The following CREB5 variants were observed in gnomAD, a reference collection of about 807,000 sequenced individuals.
CREB5 encodes the protein cyclic AMP-responsive element-binding protein 5.
Under a neutral mutation model 57.1 loss-of-function variants are expected in CREB5, and 19 were observed. That is an observed-to-expected ratio of 0.33 (90% CI 0.23 to 0.49). The LOEUF (loss-of-function observed/expected upper bound fraction) is 0.49, where lower values mean the gene tolerates loss of function less well. CREB5 is among the 20% of genes least tolerant of loss of function. The pLI is 0.99. For missense variants in CREB5, 579 were observed against 671.6 expected (o/e 0.86, Z 1.52); for synonymous variants, 238 against 238.3 (o/e 1.00, Z 0.01).
chr7:28,679,192 A>G (rs888320376), intron 5 of CREB5, among the ~76,000 whole-genome samples: 2 of 151,888 alleles, frequency 1.3e-5, no homozygotes, highest in Admixed American at 6.6e-5. Context: ...CTGAGGGGAG[A>G]CAGAGGGAGA....
At chr7:28,500,798 G>A (rs1792243146) in intron 3 of CREB5, among the ~76,000 whole-genome samples, 1 of 152,046 alleles carries the variant, frequency 6.6e-6, no homozygotes, top group African/African-American at 2.4e-5. Flanking sequence ...AACGAGTTAG[G>A]GTATTGTAAA....
At chr7:28,796,419 G>C (rs1808044096) in intron 7 of CREB5, among the ~76,000 whole-genome samples, 1 of 152,110 alleles carries the variant, frequency 6.6e-6, no homozygotes, top group Admixed American at 6.6e-5. Flanking sequence ...TTCATCAAAA[G>C]CTGATATTAA....
At chr7:28,574,469 T>C (rs1795828707) in intron 5 of CREB5, among the ~76,000 whole-genome samples, 1 of 152,196 alleles carries the variant, frequency 6.6e-6, no homozygotes, top group Non-Finnish European at 1.5e-5. Flanking sequence ...ATCCGTTGAG[T>C]AGATGGCTAT....
intron 4 of CREB5, among the ~76,000 whole-genome samples, chr7:28,510,777 G>T (rs10215668): frequency 2.6e-5 from 4 of 152,124 alleles, no homozygotes; most frequent in African/African-American, 4.8e-5. Flanking sequence ...CAGACAACAC[G>T]TTCCATAATA....
intron 5 of CREB5, among the ~76,000 whole-genome samples, chr7:28,662,676 T>C (rs1422746150): frequency 6.6e-6 from 1 of 152,184 alleles, no homozygotes; most frequent in Non-Finnish European, 1.5e-5. Flanking sequence ...GTGAATATGC[T>C]GGGAGGCGCT....
chr7:28,587,387 C>T (rs1796341649), intron 5 of CREB5, among the ~76,000 whole-genome samples: 1 of 152,162 alleles, frequency 6.6e-6, no homozygotes, highest in Admixed American at 6.5e-5. Context: ...TTTCTGGGTA[C>T]ATGCTCAGCC....
intron 1 of CREB5, among the ~76,000 whole-genome samples, chr7:28,448,209 A>G (rs139659104): frequency 0.066 from 10,071 of 152,250 alleles, 542 homozygotes; most frequent in East Asian, 0.28. Flanking sequence ...TCAGACTCCA[A>G]GTTCTTCACT....
At chr7:28,716,478 G>A (rs532833152) in intron 5 of CREB5, among the ~76,000 whole-genome samples, 2 of 152,184 alleles carry the variant, frequency 1.3e-5, no homozygotes, top group Non-Finnish European at 2.9e-5. Context: ...TAGCTGTATT[G>A]TGTACATCTA....
At chr7:28,628,347 C>T (rs1037761028) in intron 5 of CREB5, among the ~76,000 whole-genome samples, 2 of 152,128 alleles carry the variant, frequency 1.3e-5, no homozygotes, top group African/African-American at 4.8e-5. Context: ...CAGCAACTGA[C>T]CACGCCTGCT....
intron 5 of CREB5, among the ~76,000 whole-genome samples, chr7:28,648,389 A>C (rs1042542194): frequency 1.3e-5 from 2 of 152,188 alleles, no homozygotes; most frequent in African/African-American, 4.8e-5. Flanking sequence ...GACAATGAAC[A>C]GGCTGTATTG....
At chr7:28,574,622 A>G (rs1795834584) in intron 5 of CREB5, among the ~76,000 whole-genome samples, 1 of 152,216 alleles carries the variant, frequency 6.6e-6, no homozygotes, top group Admixed American at 6.5e-5. Flanking sequence ...GGATATCAGT[A>G]CAGAGCTCTG....
At chr7:28,755,487 T>C (rs949520479) in intron 7 of CREB5, among the ~76,000 whole-genome samples, 19 of 152,244 alleles carry the variant, frequency 1.2e-4, no homozygotes, top group African/African-American at 3.6e-4. Flanking sequence ...AGCCAGACCA[T>C]AGAGGCTCAG....
chr7:28,465,097 A>C (rs1320764685), intron 1 of CREB5, among the ~76,000 whole-genome samples: 1 of 152,230 alleles, frequency 6.6e-6, no homozygotes, highest in African/African-American at 2.4e-5. Context: ...GAACATCAGA[A>C]GTCCAGAGGA....
intron 5 of CREB5, among the ~76,000 whole-genome samples, chr7:28,642,481 G>A (rs896411809): frequency 2.0e-5 from 3 of 152,080 alleles, no homozygotes; most frequent in South Asian, 2.1e-4. Flanking sequence ...TACCAACTTC[G>A]TTTTTACTTC....
intron 1 of CREB5, among the ~76,000 whole-genome samples, chr7:28,300,151 T>A (rs192294505): frequency 6.6e-6 from 1 of 152,098 alleles, no homozygotes; most frequent in Non-Finnish European, 1.5e-5. Context: ...GCTCACCTTG[T>A]CAAACTGTGA....
intron 7 of CREB5, among the ~76,000 whole-genome samples, chr7:28,733,996 G>T (rs1021666438): frequency 1.3e-5 from 2 of 151,988 alleles, no homozygotes; most frequent in Admixed American, 6.6e-5. Context: ...CACTGAACAG[G>T]TGTGAATTCT....
chr7:28,505,343 A>G (rs1457474537), intron 3 of CREB5, among the ~76,000 whole-genome samples: 1 of 152,196 alleles, frequency 6.6e-6, no homozygotes, highest in East Asian at 1.9e-4. Flanking sequence ...ACCTGTTAGT[A>G]TCAAACTTCC....
chr7:28,585,850 C>A (rs1184263068), intron 5 of CREB5, among the ~76,000 whole-genome samples: 1 of 152,104 alleles, frequency 6.6e-6, no homozygotes, highest in African/African-American at 2.4e-5. Context: ...GCTGCAGACA[C>A]CTGTGCGGTC....
At chr7:28,497,221 G>A (rs1481082514) in intron 3 of CREB5, among the ~76,000 whole-genome samples, 3 of 152,196 alleles carry the variant, frequency 2.0e-5, no homozygotes, top group Non-Finnish European at 4.4e-5. Flanking sequence ...CCTCTAAGGA[G>A]CCCCATCTGA....
Sources: allele counts gnomAD v4.1 joint callset (sites outside exome capture counted in the v4.1 genomes callset), GRCh38; gene constraint gnomAD v4.1.1; transcripts MANE v1.5; gene names NCBI Gene and HGNC (gene_info 2026-07-23, HGNC 2026-07-21).